Variants in ANXA4 observed in about 807,000 individuals in gnomAD.
The protein encoded by ANXA4 is annexin A4, also known as 35-beta calcimedin.
A neutral mutation model predicts 49.8 loss-of-function variants in ANXA4; 39 were observed. That is an observed-to-expected ratio of 0.78 (90% CI 0.61 to 1.02). The LOEUF (loss-of-function observed/expected upper bound fraction) is 1.02, where lower values mean the gene tolerates loss of function less well. Ranked by LOEUF, ANXA4 falls within the 50% of genes least tolerant of loss-of-function variation. The probability of loss-of-function intolerance (pLI) is 0.00; values close to 1 mark genes in which losing one functional copy is unlikely to be tolerated. For synonymous variants in ANXA4, 134 were observed against 152.5 expected, an observed-to-expected ratio of 0.88 and a Z score of 0.89; for missense variants, 360 against 410.1, an observed-to-expected ratio of 0.88 and a Z score of 1.05.
intron 2 of ANXA4, among the ~76,000 whole-genome samples, chr2:69,713,384 C>T (rs1484075513): frequency 6.6e-6 from 1 of 152,106 alleles, no homozygotes; most frequent in Non-Finnish European, 1.5e-5. Flanking sequence ...TTGGAAGAAG[C>T]CACTCTTATG....
At chr2:69,782,660 G>A (rs1672248848) in intron 2 of ANXA4, among the ~76,000 whole-genome samples, 2 of 152,224 alleles carry the variant, frequency 1.3e-5, no homozygotes, top group South Asian at 4.1e-4. Flanking sequence ...TAGCCAACGT[G>A]GAGAATATTT....
At chr2:69,756,984 G>A (rs1431502831) in intron 1 of ANXA4, among the ~76,000 whole-genome samples, 1 of 148,390 alleles carries the variant, frequency 6.7e-6, no homozygotes, top group Non-Finnish European at 1.5e-5. Context: ...CTGGCGTGCA[G>A]TGGACCATCT....
chr2:69,644,061 A>C, upstream of ANXA4: 1 of 223,066 alleles, frequency 4.5e-6, no homozygotes, highest in Non-Finnish European at 7.7e-6. Context: ...GCGAGGCGGC[A>C]GCCGTGTGGC....
intron 1 of ANXA4, among the ~76,000 whole-genome samples, chr2:69,745,757 C>A (rs1334220577): frequency 2.6e-5 from 4 of 152,110 alleles, no homozygotes; most frequent in South Asian, 2.1e-4. Flanking sequence ...TCTCGAACTC[C>A]TGACCTCAGA....
chr2:69,745,256 G>A (rs1421638569), intron 1 of ANXA4, among the ~76,000 whole-genome samples: 2 of 152,152 alleles, frequency 1.3e-5, no homozygotes, highest in East Asian at 3.9e-4. Context: ...TTGAATTTGA[G>A]GAAGTAGTTT....
chr2:69,740,391 A>T (rs1670354100), upstream of ANXA4, among the ~76,000 whole-genome samples: 1 of 151,842 alleles, frequency 6.6e-6, no homozygotes, highest in African/African-American at 2.4e-5. Flanking sequence ...TAAGAAATGA[A>T]TTATCTGTAT....
At chr2:69,765,933 G>A (rs767681157) in intron 1 of ANXA4, among the ~76,000 whole-genome samples, 11 of 152,228 alleles carry the variant, frequency 7.2e-5, no homozygotes, top group Non-Finnish European at 7.3e-5. Context: ...GGGGCAGCCA[G>A]TTCAATTAAT....
intron 2 of ANXA4, among the ~76,000 whole-genome samples, chr2:69,714,819 C>A (rs1678821619): frequency 2.0e-5 from 3 of 152,214 alleles, no homozygotes; most frequent in Non-Finnish European, 4.4e-5. Flanking sequence ...TTGGCTTCCC[C>A]GGGGCTTGTC....
At chr2:69,696,809 A>G (rs182321578) in intron 2 of ANXA4, among the ~76,000 whole-genome samples, 1 of 152,342 alleles carries the variant, frequency 6.6e-6, no homozygotes, top group African/African-American at 2.4e-5. Context: ...AAGCAGTAAT[A>G]TATTAAAAAG....
chr2:69,792,814 C>T (rs922698746), intron 3 of ANXA4, among the ~76,000 whole-genome samples: 1 of 152,030 alleles, frequency 6.6e-6, no homozygotes, highest in Non-Finnish European at 1.5e-5. Flanking sequence ...TAATGTAAAA[C>T]CTGTTAGGTT....
At chr2:69,646,601 A>ATAT (rs1676016369) in intron 1 of ANXA4, among the ~76,000 whole-genome samples, 2 of 152,228 alleles carry the variant, frequency 1.3e-5, no homozygotes, top group South Asian at 4.1e-4. Flanking sequence ...AATAGTGATC[A>ATAT]TATGACCGAT....
intron 2 of ANXA4, among the ~76,000 whole-genome samples, chr2:69,718,770 C>T (rs539249406): frequency 7.9e-6 from 1 of 127,152 alleles, no homozygotes; most frequent in East Asian, 1.9e-4. Context: ...CACATACACA[C>T]ACATTCACAC....
chr2:69,744,779 C>G (rs139564093), intron 1 of ANXA4, among the ~76,000 whole-genome samples: 177 of 152,332 alleles, frequency 1.2e-3, no homozygotes, highest in Admixed American at 4.8e-3. Context: ...ATACAAAAGC[C>G]TGTTCTCTTA....
intron 2 of ANXA4, among the ~76,000 whole-genome samples, chr2:69,656,204 T>TAC (rs200516994): frequency 0.018 from 2,228 of 120,768 alleles, 64 homozygotes; most frequent in African/African-American, 0.038. Context: ...TATATATATA[T>TAC]ACACACACAT....
chr2:69,800,664 A>G (rs57558477), intron 3 of ANXA4, among the ~76,000 whole-genome samples: 10,910 of 151,632 alleles, frequency 0.072, 1,308 homozygotes, highest in African/African-American at 0.25. Flanking sequence ...TTGGGAGATG[A>G]TTGAGTTTCT....
chr2:69,810,552 A>G, intron 6 of ANXA4, 42 bp from the exon 7 acceptor site: 2 of 1,551,636 alleles, frequency 1.3e-6, no homozygotes, highest in Middle Eastern at 1.7e-4. Context: ...GCATTGGGCA[A>G]GACTCTTAAT....
intron 3 of ANXA4, among the ~76,000 whole-genome samples, chr2:69,795,557 T>C (rs1672910127): frequency 6.6e-6 from 1 of 152,162 alleles, no homozygotes; most frequent in Non-Finnish European, 1.5e-5. Context: ...TTTTAGGTTA[T>C]TAATAATAGC....
intron 3 of ANXA4, among the ~76,000 whole-genome samples, chr2:69,721,515 C>T (rs571515320): frequency 4.0e-4 from 61 of 152,138 alleles, no homozygotes; most frequent in Non-Finnish European, 5.6e-4. Context: ...GGAGACAAGG[C>T]TGGCAAGACC....
chr2:69,720,040 G>C (rs6757540), intron 2 of ANXA4, among the ~76,000 whole-genome samples: 13,405 of 152,136 alleles, frequency 0.088, 1,919 homozygotes, highest in African/African-American at 0.3. Context: ...TAGGTCATTA[G>C]TGCTACTGTT....
Sources: gnomAD v4.1 joint callset for allele counts (sites outside exome capture counted in the v4.1 genomes callset) on GRCh38, gnomAD v4.1.1 for gene constraint, MANE v1.5 for transcripts, NCBI Gene and HGNC (gene_info 2026-07-23, HGNC 2026-07-21) for gene names.